SLC6A11: variants seen among roughly 807,000 people sequenced by gnomAD.
SLC6A11 encodes solute carrier family 6 member 11.
A neutral mutation model predicts 74.8 loss-of-function variants in SLC6A11; 25 were observed. The observed-to-expected ratio is 0.33, with a 90% CI of 0.24 to 0.47. The LOEUF (loss-of-function observed/expected upper bound fraction) is 0.47, where lower values mean the gene tolerates loss of function less well. Ranked by LOEUF, SLC6A11 falls within the 20% of genes least tolerant of loss-of-function variation. The probability of loss-of-function intolerance (pLI) is 1.00; values close to 1 mark genes in which losing one functional copy is unlikely to be tolerated. For synonymous variants in SLC6A11, 330 were observed against 330.2 expected (o/e 1.00, Z 0.01); for missense variants, 574 against 837.0 (o/e 0.69, Z 3.88).
intron 4 of SLC6A11, among the ~76,000 whole-genome samples, chr3:10,831,190 T>C (rs983661161): frequency 1.2e-4 from 18 of 151,990 alleles, no homozygotes; most frequent in Admixed American, 1.2e-3. Context: ...AAGTCCCCAT[T>C]TTTTTTTCTA....
intron 9 of SLC6A11, among the ~76,000 whole-genome samples, chr3:10,928,514 G>A (rs538787773): frequency 1.2e-4 from 19 of 152,276 alleles, no homozygotes; most frequent in African/African-American, 4.1e-4. Context: ...TGGGTGGGTA[G>A]GAACTGGGCA....
chr3:10,889,707 GTGGTTTTTATACACA>G (rs1453407390), intron 6 of SLC6A11, among the ~76,000 whole-genome samples: 3 of 152,214 alleles, frequency 2.0e-5, no homozygotes, highest in African/African-American at 7.2e-5. Flanking sequence ...AACACCCCTG[GTGGTTTTTATACACA>G]TGAAAATTTG....
At chr3:10,832,162 G>A (rs965396785) in intron 4 of SLC6A11, among the ~76,000 whole-genome samples, 2 of 152,216 alleles carry the variant, frequency 1.3e-5, no homozygotes, top group African/African-American at 2.4e-5. Flanking sequence ...AACGCTGAGG[G>A]ATTTCCCAGA....
intron 7 of SLC6A11, among the ~76,000 whole-genome samples, chr3:10,914,830 T>A (rs1265504260): frequency 6.6e-6 from 1 of 152,182 alleles, no homozygotes; most frequent in South Asian, 2.1e-4. Flanking sequence ...ATGTACACTG[T>A]CTGTGTACAG....
chr3:10,830,655 G>C (rs930756633), intron 4 of SLC6A11, among the ~76,000 whole-genome samples: 1 of 152,186 alleles, frequency 6.6e-6, no homozygotes. Flanking sequence ...ACTGAGAGAA[G>C]TGAGGGAGCA....
At chr3:10,916,596 C>G (rs1221717489) in intron 7 of SLC6A11, among the ~76,000 whole-genome samples, 2 of 152,202 alleles carry the variant, frequency 1.3e-5, no homozygotes, top group African/African-American at 4.8e-5. Flanking sequence ...TGATATAGGA[C>G]AAATCCAATC....
At chr3:10,828,738 C>T (rs1694250429) in intron 4 of SLC6A11, among the ~76,000 whole-genome samples, 3 of 152,288 alleles carry the variant, frequency 2.0e-5, no homozygotes, top group South Asian at 4.2e-4. Flanking sequence ...CCTCCTTGAC[C>T]ATGCCCATGG....
At chr3:10,923,394 T>C (rs1162571257) in intron 8 of SLC6A11, among the ~76,000 whole-genome samples, 1 of 152,080 alleles carries the variant, frequency 6.6e-6, no homozygotes, top group Admixed American at 6.6e-5. Context: ...CAAAAAGCCA[T>C]GGAAATCAAC....
intron 6 of SLC6A11, among the ~76,000 whole-genome samples, chr3:10,893,517 G>C (rs1372728958): frequency 3.9e-5 from 6 of 152,166 alleles, no homozygotes; most frequent in Admixed American, 3.9e-4. Flanking sequence ...GAGACTGAAC[G>C]TTGGTTTTGG....
chr3:10,825,271 A>C (rs982397547), intron 4 of SLC6A11: 2 of 152,106 alleles, frequency 1.3e-5, no homozygotes, highest in Admixed American at 6.5e-5. Context: ...TGGTCTGTTC[A>C]GTTTTTGTTT....
rs1249191622 is a variant in SLC6A11, at chr3:10,844,280, G to C, written c.690G>C (p.Leu230Phe). Reference sequence around the variant, plus strand: ...GGAACCTTCGCTGGGAGCTGGCCTTGTGTCTCTTGGCAGCCTGGACCATCT... The same window carrying C: ...GGAACCTTCGCTGGGAGCTGGCCTTCTGTCTCTTGGCAGCCTGGACCATCT... ...HIGNLRWELA[L>F]CLLAAWTICY... is the part of the protein sequence containing the mutation. Residue 230 changes from leucine (L) to phenylalanine (F), a missense_variant, in exon 5 of 14, where the codon TTG becomes TTC. Leu to Phe is a conservative substitution (Grantham distance 22). This residue lies in a region of SLC6A11 where 215 missense variants were observed against 357.9 expected (regional missense o/e 0.60). Transcript: ENST00000254488. 1.9e-6 allele frequency: 3 copies of C among 1,614,092 alleles called. No homozygotes were observed. The highest frequency in any genetic ancestry group is 2.5e-6 in the Non-Finnish European group (3 of 1,180,052).
intron 4 of SLC6A11, among the ~76,000 whole-genome samples, chr3:10,827,280 T>G (rs1694223565): frequency 6.6e-6 from 1 of 152,110 alleles, no homozygotes; most frequent in South Asian, 2.1e-4. Flanking sequence ...TAGAATCCCT[T>G]CCCTCTCTCT....
intron 10 of SLC6A11, among the ~76,000 whole-genome samples, chr3:10,931,939 G>C (rs1268377149): frequency 4.6e-5 from 7 of 152,172 alleles, no homozygotes; most frequent in Non-Finnish European, 1.0e-4. Flanking sequence ...CTCCAAGGAA[G>C]TCCCCATGGC....
chr3:10,909,548 C>T (rs896016059), intron 6 of SLC6A11, among the ~76,000 whole-genome samples: 1 of 152,176 alleles, frequency 6.6e-6, no homozygotes, highest in Non-Finnish European at 1.5e-5. Context: ...CCAGCTCTCC[C>T]ACAACTCTGA....
intron 6 of SLC6A11, among the ~76,000 whole-genome samples, chr3:10,878,471 C>G (rs1056739009): frequency 1.4e-5 from 2 of 138,212 alleles, no homozygotes; most frequent in African/African-American, 5.5e-5. Context: ...GTGGTGTGAT[C>G]TCGGCTCAAT....
chr3:10,882,389 C>A (rs1392307917), intron 6 of SLC6A11, among the ~76,000 whole-genome samples: 2 of 152,144 alleles, frequency 1.3e-5, no homozygotes, highest in African/African-American at 4.8e-5. Flanking sequence ...ACCACCACCC[C>A]ACGTGCTCCT....
Position 10,823,456 on chromosome 3 carries a change from G to A in SLC6A11, c.623+64G>A, listed in dbSNP as rs1023155729. Reference sequence around the variant, plus strand: ...GCTCTGTCCTGGTTCTGCTCAGTTGGTCTTGCCCCTATTCCTGGAAAAAGC... The same window carrying A: ...GCTCTGTCCTGGTTCTGCTCAGTTGATCTTGCCCCTATTCCTGGAAAAAGC... On this transcript the variant is annotated intron_variant, in intron 4 of 13. Transcript: ENST00000254488. 19 of 1,101,566 alleles carry A rather than the reference G, an allele frequency of 1.7e-5. No individual in the cohort carries two copies. In the East Asian group the frequency reaches 4.3e-4, roughly 25 times the overall value. 68.2% of individuals were successfully genotyped at this position (1,101,566 alleles called of 1,614,324 possible). A position where few individuals can be genotyped will look rare whatever the true frequency, so the allele number is the denominator to read the frequency against.
At chr3:10,898,895 G>A (rs865895032) in intron 6 of SLC6A11, among the ~76,000 whole-genome samples, 4 of 152,194 alleles carry the variant, frequency 2.6e-5, no homozygotes, top group African/African-American at 9.7e-5. Context: ...AAAAGAAAGA[G>A]GTTTATTGGA....
chr3:10,859,427 A>C (rs905290606), intron 5 of SLC6A11, among the ~76,000 whole-genome samples: 2 of 152,106 alleles, frequency 1.3e-5, no homozygotes, highest in Non-Finnish European at 2.9e-5. Flanking sequence ...GGACCCATTA[A>C]TGTCTGTGAC....
Sources: gnomAD v4.1 joint callset for allele counts (sites outside exome capture counted in the v4.1 genomes callset) on GRCh38, gnomAD v4.1.1 for gene constraint, gnomAD v4.1.1 regional missense constraint, MANE v1.5 for transcripts, NCBI Gene and HGNC (gene_info 2026-07-23, HGNC 2026-07-21) for gene names.